Variants in PRDM6 observed in about 807,000 individuals in gnomAD.
The protein encoded by PRDM6 is putative histone-lysine N-methyltransferase PRDM6.
In PRDM6, 25 loss-of-function variants were observed where a neutral mutation model predicts 60.8. That is an observed-to-expected ratio of 0.41 (90% CI 0.30 to 0.57). The LOEUF is 0.57. Among genes scored for constraint, PRDM6 ranks in the 20% least tolerant of loss-of-function variants. The pLI, the probability that PRDM6 is intolerant of heterozygous loss-of-function variation, is 0.27. For synonymous variants in PRDM6, 407 were observed against 357.4 expected, an observed-to-expected ratio of 1.14 and a Z score of -1.57; for missense variants, 839 against 821.3, an observed-to-expected ratio of 1.02 and a Z score of -0.26.
chr5:123,095,678 G>A (rs969171687), intron 2 of PRDM6, among the ~76,000 whole-genome samples: 1 of 152,254 alleles, frequency 6.6e-6, no homozygotes, highest in Admixed American at 6.5e-5. Flanking sequence ...GCGCCCAGGC[G>A]GGGAAGCAGG....
At chr5:123,105,181 T>G (rs1255412380) in intron 3 of PRDM6, among the ~76,000 whole-genome samples, 1 of 152,260 alleles carries the variant, frequency 6.6e-6, no homozygotes, top group African/African-American at 2.4e-5. Flanking sequence ...ATTTTCTCAA[T>G]ATGAAGAAAA....
At chr5:123,130,555 A>C (rs959975641) in intron 3 of PRDM6, among the ~76,000 whole-genome samples, 1 of 148,116 alleles carries the variant, frequency 6.8e-6, no homozygotes, top group Non-Finnish European at 1.5e-5. Context: ...AAATTCTGTC[A>C]TTTATTTAGT....
chr5:123,120,273 G>A (rs1282803324), intron 3 of PRDM6, among the ~76,000 whole-genome samples: 2 of 152,194 alleles, frequency 1.3e-5, no homozygotes, highest in South Asian at 4.1e-4. Flanking sequence ...GCCGTCCTGT[G>A]TTATGTCCAA....
At chr5:123,186,124 A>G (rs1336024845) in intron 7 of PRDM6, among the ~76,000 whole-genome samples, 1 of 152,216 alleles carries the variant, frequency 6.6e-6, no homozygotes, top group African/African-American at 2.4e-5. Context: ...GTGATGGAGA[A>G]GTCGCTGTCT....
At chr5:123,124,280 G>C (rs1764646738) in intron 3 of PRDM6, among the ~76,000 whole-genome samples, 1 of 152,160 alleles carries the variant, frequency 6.6e-6, no homozygotes, top group Admixed American at 6.5e-5. Flanking sequence ...TGTCCAGCAG[G>C]ATAATTCAGA....
intron 3 of PRDM6, among the ~76,000 whole-genome samples, chr5:123,145,561 G>A (rs2126864767): frequency 6.6e-6 from 1 of 152,330 alleles, no homozygotes; most frequent in Non-Finnish European, 1.5e-5. Context: ...ATGTAGGCCA[G>A]TAGTGGCTCT....
At chr5:123,143,168 T>C (rs1325608300) in intron 3 of PRDM6, among the ~76,000 whole-genome samples, 1 of 151,974 alleles carries the variant, frequency 6.6e-6, no homozygotes, top group African/African-American at 2.4e-5. Context: ...TGTGTGTGTG[T>C]GTGTGTGTGT....
intron 3 of PRDM6, among the ~76,000 whole-genome samples, chr5:123,153,337 G>C (rs1374626187): frequency 6.6e-6 from 1 of 152,136 alleles, no homozygotes; most frequent in Non-Finnish European, 1.5e-5. Flanking sequence ...GTTAACAGTG[G>C]AGAGAATGAC....
At chr5:123,128,940 A>G (rs377351) in intron 3 of PRDM6, among the ~76,000 whole-genome samples, 28,600 of 152,110 alleles carry the variant, frequency 0.19, 3,305 homozygotes, top group South Asian at 0.38. Context: ...TAATTTTTGT[A>G]TAAGGTGTAA....
chr5:123,159,679 C>T (rs1484989189), intron 5 of PRDM6, 41 bp downstream of exon 5: 3 of 1,539,794 alleles, frequency 1.9e-6, no homozygotes, highest in Middle Eastern at 1.7e-4. Context: ...TTTCAATATA[C>T]CTATTTCAAA....
In PRDM6 at chr5:123,090,082, G is replaced by A. The variant is rs1188644776; in HGVS notation, c.68G>A (p.Trp23Ter). 6.5e-7 allele frequency: 1 copy of A among 1,547,748 alleles called. No individual in the cohort carries two copies. Among genetic ancestry groups the A allele is most frequent in the Non-Finnish European group, 8.7e-7 (1 of 1,145,766 alleles). The change falls in exon 2 of 8, where the codon TGG (tryptophan) becomes TAG (stop). Residue 23 changes from tryptophan (W) to a stop codon, truncating the protein, a stop_gained. Coordinates refer to ENST00000407847, the MANE Select transcript of PRDM6 (RefSeq NM_001136239.4). LOFTEE classifies it high-confidence loss of function. ...GTGGACCCAGCCTACCTGCAGCACTGGCAGCAACTCTTCCCTCACGGAGGC... is the reference window on the plus strand; with the variant it reads ...GTGGACCCAGCCTACCTGCAGCACTAGCAGCAACTCTTCCCTCACGGAGGC... ...LKVDPAYLQH[W>*]QQLFPHGGAG...
chr5:123,174,481 G>A (rs1271761397), intron 6 of PRDM6, among the ~76,000 whole-genome samples: 2 of 152,178 alleles, frequency 1.3e-5, no homozygotes, highest in Non-Finnish European at 2.9e-5. Flanking sequence ...AAGTCAGAAG[G>A]TAAAACAGGT....
chr5:123,140,740 A>C (rs971570718), intron 3 of PRDM6, among the ~76,000 whole-genome samples: 1 of 152,130 alleles, frequency 6.6e-6, no homozygotes, highest in Non-Finnish European at 1.5e-5. Context: ...GGTTTCATGA[A>C]TAAGACAGAA....
intron 3 of PRDM6, among the ~76,000 whole-genome samples, chr5:123,129,668 T>G (rs1171772589): frequency 6.6e-6 from 1 of 152,236 alleles, no homozygotes; most frequent in Non-Finnish European, 1.5e-5. Context: ...AGGTCTATCC[T>G]AAATTCACTG....
chr5:123,157,336 A>T (rs1324841966), intron 4 of PRDM6, among the ~76,000 whole-genome samples: 2 of 152,150 alleles, frequency 1.3e-5, no homozygotes, highest in Non-Finnish European at 2.9e-5. Context: ...GGTTTTTTAT[A>T]AAACTCTGAG....
intron 3 of PRDM6, among the ~76,000 whole-genome samples, chr5:123,107,168 A>G (rs78505267): frequency 0.027 from 4,047 of 152,334 alleles, 169 homozygotes; most frequent in African/African-American, 0.092. Context: ...TATGCTTCAA[A>G]TCAGTAGCAC....
intron 3 of PRDM6, among the ~76,000 whole-genome samples, chr5:123,120,390 C>A (rs1764554384): frequency 6.6e-6 from 1 of 152,268 alleles, no homozygotes; most frequent in South Asian, 2.1e-4. Flanking sequence ...TTGTCCTATC[C>A]TCTGGAGGCA....
At chr5:123,119,355 A>G (rs1476611068) in intron 3 of PRDM6, among the ~76,000 whole-genome samples, 1 of 152,186 alleles carries the variant, frequency 6.6e-6, no homozygotes, top group Non-Finnish European at 1.5e-5. Flanking sequence ...CGTGGGCAAA[A>G]TGATGACAGT....
At chr5:123,130,846 C>T (rs1014181558) in intron 3 of PRDM6, among the ~76,000 whole-genome samples, 7 of 152,128 alleles carry the variant, frequency 4.6e-5, no homozygotes, top group African/African-American at 7.2e-5. Context: ...GGATTACAGG[C>T]GTGAGCCACC....
Sources: gnomAD v4.1 joint callset for allele counts (sites outside exome capture counted in the v4.1 genomes callset) on GRCh38, gnomAD v4.1.1 for gene constraint, MANE v1.5 for transcripts, NCBI Gene and HGNC (gene_info 2026-07-23, HGNC 2026-07-21) for gene names.